DPF3: variants seen among roughly 807,000 people sequenced by gnomAD.
DPF3 encodes zinc finger protein DPF3.
In DPF3, 18 loss-of-function variants were observed where a neutral mutation model predicts 56.8. The ratio of observed to expected loss-of-function variants is 0.32; its 90% confidence interval spans 0.22 to 0.47. The LOEUF (loss-of-function observed/expected upper bound fraction) is 0.47. DPF3 is among the 20% of genes least tolerant of loss of function. The pLI, the probability that DPF3 is intolerant of heterozygous loss-of-function variation, is 1.00. For synonymous variants in DPF3, 188 were observed against 180.2 expected (o/e 1.04, Z -0.35); for missense variants, 403 against 488.8 (o/e 0.82, Z 1.65).
At chr14:72,867,827 C>T (rs1885738029) in intron 1 of DPF3, among the ~76,000 whole-genome samples, 1 of 152,192 alleles carries the variant, frequency 6.6e-6, no homozygotes, top group Non-Finnish European at 1.5e-5. Context: ...CAACCTCTAC[C>T]TCCCAGGCTC....
At chr14:72,862,253 C>T (rs1365823310) in intron 1 of DPF3, among the ~76,000 whole-genome samples, 1 of 152,138 alleles carries the variant, frequency 6.6e-6, no homozygotes, top group East Asian at 1.9e-4. Flanking sequence ...GCCATTTCCA[C>T]CTGGAAGTTG....
At chr14:72,803,058 A>T (rs969949745) in intron 1 of DPF3, among the ~76,000 whole-genome samples, 1 of 152,232 alleles carries the variant, frequency 6.6e-6, no homozygotes, top group African/African-American at 2.4e-5. Context: ...AGTTAAATGC[A>T]AGTGTCAGAT....
chr14:72,829,911 T>G (rs1001509643), intron 1 of DPF3, among the ~76,000 whole-genome samples: 12 of 152,138 alleles, frequency 7.9e-5, no homozygotes, highest in Middle Eastern at 3.4e-3. Context: ...CCCAGCTAAC[T>G]TTTTTGTATT....
intron 1 of DPF3, among the ~76,000 whole-genome samples, chr14:72,827,391 C>T (rs1402395298): frequency 6.6e-6 from 1 of 151,258 alleles, no homozygotes; most frequent in East Asian, 1.9e-4. Context: ...CCTACACCAA[C>T]AAGGCATATC....
chr14:72,676,024 A>G (rs1056730661), intron 7 of DPF3, among the ~76,000 whole-genome samples: 9 of 152,206 alleles, frequency 5.9e-5, no homozygotes, highest in African/African-American at 1.7e-4. Context: ...TTCTCCCTCA[A>G]TTGCCATCTT....
At chr14:72,734,877 G>A (rs755474881) in intron 3 of DPF3, among the ~76,000 whole-genome samples, 2 of 152,194 alleles carry the variant, frequency 1.3e-5, no homozygotes, top group East Asian at 1.9e-4. Flanking sequence ...TGGTACATCC[G>A]TGTACATGCA....
rs113023478 is a variant in DPF3, at chr14:72,670,494, G to T, written c.871+3746C>A. ...AGAGGAAGATGGAAAGGTCAGGGAG[G>T]AGAATGAGGGAGGGGTCTGCCGCGG... On this transcript the variant is annotated intron_variant, in intron 8 of 10. Transcript: ENST00000556509. 4.9e-4 allele frequency: 479 copies of T among 985,996 alleles called. 1 individual carries two copies. Among genetic ancestry groups the T allele is most frequent in the Non-Finnish European group, 5.6e-4 (469 of 830,290 alleles). The allele number at this position is 985,996 out of a possible 1,614,324, so 61.1% of individuals were successfully genotyped here.
chr14:72,676,484 G>T (rs1039283585), intron 7 of DPF3, among the ~76,000 whole-genome samples: 3 of 152,204 alleles, frequency 2.0e-5, no homozygotes, highest in African/African-American at 7.2e-5. Flanking sequence ...GAGTATAAAA[G>T]CTTGCAGATT....
Position 72,838,908 on chromosome 14 carries a change from CTTTTTTTTT to C in DPF3, c.32+55140_32+55148del, listed in dbSNP as rs376458640. Among the ~76,000 whole-genome samples, 214 of 78,566 alleles carry C rather than the reference CTTTTTTTTT, an allele frequency of 2.7e-3. No individual in the cohort carries two copies. The South Asian group carries it at 0.044, about 16-fold the overall frequency. 51.5% of individuals were successfully genotyped at this position (78,566 alleles called of 152,430 possible). On this transcript the variant is annotated intron_variant, in intron 1 of 10. Coordinates refer to ENST00000556509, the MANE Select transcript of DPF3 (RefSeq NM_001280542.3). ...TATCATATATATTATCATATATATT[CTTTTTTTTT>C]TTTTTTTTTTTTTTTTTTTTTTGGA...
At chr14:72,879,416 C>T (rs975765845) in intron 1 of DPF3, among the ~76,000 whole-genome samples, 1 of 151,798 alleles carries the variant, frequency 6.6e-6, no homozygotes, top group Non-Finnish European at 1.5e-5. Context: ...GCATATGTGG[C>T]TACTGTCCCT....
intron 3 of DPF3, among the ~76,000 whole-genome samples, chr14:72,732,200 G>T (rs146848780): frequency 6.6e-6 from 1 of 152,214 alleles, no homozygotes; most frequent in Non-Finnish European, 1.5e-5. Flanking sequence ...GGGCTCACAC[G>T]GCCATGCTTC....
At chr14:72,689,112 G>A (rs1202724852) in intron 7 of DPF3, among the ~76,000 whole-genome samples, 3 of 152,148 alleles carry the variant, frequency 2.0e-5, no homozygotes, top group Non-Finnish European at 2.9e-5. Flanking sequence ...GCGGGGGCGG[G>A]GAAGGTCAGC....
chr14:72,814,887 A>T (rs933254031), intron 1 of DPF3, among the ~76,000 whole-genome samples: 15 of 152,198 alleles, frequency 9.9e-5, no homozygotes, highest in Non-Finnish European at 1.6e-4. Context: ...TCAGAAAGAA[A>T]ACTTGGAAGA....
chr14:72,835,094 TTC>T (rs56985173), intron 1 of DPF3, among the ~76,000 whole-genome samples: 71,993 of 136,698 alleles, frequency 0.53, 17,551 homozygotes, highest in East Asian at 0.78. Flanking sequence ...AATTTCTTTT[TTC>T]TTTTTCTGTC....
chr14:72,658,840 C>A (rs183451149), intron 8 of DPF3, among the ~76,000 whole-genome samples: 1 of 152,298 alleles, frequency 6.6e-6, no homozygotes, highest in Non-Finnish European at 1.5e-5. Context: ...AGACTGGCAG[C>A]CCTTGGGAAA....
At position 72,706,327 on chromosome 14, in the gene DPF3, G is replaced by A. The variant is rs183904439; in HGVS notation, c.604+8096C>T. 1.3e-3 allele frequency among the ~76,000 whole-genome samples: 199 copies of A among 152,258 alleles called. 1 individual carries two copies. Among genetic ancestry groups the A allele is most frequent in the African/African-American group, 4.6e-3 (192 of 41,538 alleles). ...GCCCCTCTTCGTGTGACCACTCCCT[G>A]CCCTGTTCCTTCAGTGCTCACTGTC... On this transcript the variant is annotated intron_variant, in intron 6 of 10. Coordinates refer to ENST00000556509, the MANE Select transcript of DPF3 (RefSeq NM_001280542.3).
At position 72,753,314 on chromosome 14, in the gene DPF3, C is replaced by A. The variant is rs762931894; in HGVS notation, c.251G>T (p.Arg84Leu). 1 of 1,613,640 alleles carries A rather than the reference C, an allele frequency of 6.2e-7. No homozygotes were observed. Among genetic ancestry groups the A allele is most frequent in the Non-Finnish European group, 8.5e-7 (1 of 1,179,854 alleles). The change falls in exon 3 of 11, where the codon CGA becomes CTA. Residue 84 changes from arginine (R) to leucine (L), a missense_variant. Coordinates refer to ENST00000556509, the MANE Select transcript of DPF3 (RefSeq NM_001280542.3). ...YPARCWRKKR[R>L]LHPPEDPKLR... The stretch of plus-strand genomic sequence containing the variant: ...TTTTGGATCTTCAGGTGGGTGCAAT[C>A]GTCTCTTCTTGCGCCAGCAGCGGGC...
At position 72,614,777 on chromosome 14, in the gene DPF3, G is replaced by GGAAAAAAAAAAAA. The variant is rs1555488399; in HGVS notation, c.*4519_*4520insTTTTTTTTTTTTC. On this transcript the variant is annotated 3_prime_UTR_variant, in exon 11 of 11. Coordinates refer to ENST00000556509, the MANE Select transcript of DPF3 (RefSeq NM_001280542.3). ...CTGTTGCCCAGGATCACAAGCCTCAGAAAAAAAAAAAAGAGTTACAATCAC... is the reference window on the plus strand; with the variant it reads ...CTGTTGCCCAGGATCACAAGCCTCAGGAAAAAAAAAAAAAAAAAAAAAAAAGAGTTACAATCAC... Among the ~76,000 whole-genome samples, 50 of 96,058 alleles carry GGAAAAAAAAAAAA rather than the reference G, an allele frequency of 5.2e-4. No individual in the cohort carries two copies. The highest frequency in any genetic ancestry group is 7.0e-3 in the Middle Eastern group (1 of 142). The allele number at this position is 96,058 out of a possible 152,430, so 63.0% of individuals were successfully genotyped here.
chr14:72,892,119 G>A (rs1325241973), intron 1 of DPF3: 1 of 1,524,764 alleles, frequency 6.6e-7, no homozygotes, highest in Admixed American at 2.0e-5. Context: ...GGGTAACTAG[G>A]GTACGGCTTT....
Sources: gnomAD v4.1 joint callset for allele counts (sites outside exome capture counted in the v4.1 genomes callset) on GRCh38, gnomAD v4.1.1 for gene constraint, MANE v1.5 for transcripts, NCBI Gene and HGNC (gene_info 2026-07-23, HGNC 2026-07-21) for gene names.